AQP9: variants seen among roughly 807,000 people sequenced by gnomAD.
AQP9 encodes aquaporin 9.
A neutral mutation model predicts 23.8 loss-of-function variants in AQP9; 19 were observed. That is an observed-to-expected ratio of 0.80 (90% CI 0.56 to 1.17). The LOEUF (loss-of-function observed/expected upper bound fraction) is 1.17. Among genes scored for constraint, AQP9 ranks in the 50% most tolerant of loss-of-function variants. The probability of loss-of-function intolerance (pLI) is 0.00; values close to 1 mark genes in which losing one functional copy is unlikely to be tolerated. For synonymous variants in AQP9, 153 were observed against 131.5 expected (o/e 1.16, Z -1.12); for missense variants, 413 against 362.0 (o/e 1.14, Z -1.14).
At position 58,179,471 on chromosome 15, in the gene AQP9, C is replaced by A. The variant is rs1357678333; in HGVS notation, c.713+126C>A. On this transcript the variant is annotated intron_variant, in intron 5 of 5. Transcript: ENST00000219919. ...GCCAACGTTAACTGCACACTCTGGT[C>A]ATAAGCATGAGACATTTCACTGGTA... The A allele has an allele frequency of 1.3e-5, 10 of 760,382 alleles. No individual in the cohort carries two copies. The Admixed American group carries it at 2.0e-4, about 16-fold the overall frequency. 47.1% of individuals were successfully genotyped at this position (760,382 alleles called of 1,614,324 possible).
At chr15:58,173,928 A>G (rs1305744575) in intron 3 of AQP9, among the ~76,000 whole-genome samples, 2 of 152,172 alleles carry the variant, frequency 1.3e-5, no homozygotes, top group African/African-American at 4.8e-5. Flanking sequence ...TTAATACATT[A>G]TGACTTACCC....
chr15:58,150,915 T>A (rs1898136343), intron 1 of AQP9: 1 of 152,178 alleles, frequency 6.6e-6, no homozygotes, highest in South Asian at 2.1e-4. Flanking sequence ...ATCATTTTAA[T>A]CCTAGGCTTG....
chr15:58,145,505 AC>A (rs1164188395), intron 1 of AQP9, among the ~76,000 whole-genome samples: 1 of 151,204 alleles, frequency 6.6e-6, no homozygotes, highest in Non-Finnish European at 1.5e-5. Flanking sequence ...AAAAAAAATT[AC>A]CCATATATAT....
intron 1 of AQP9, chr15:58,152,316 T>A (rs1330919114): frequency 6.6e-6 from 1 of 152,192 alleles, no homozygotes; most frequent in Non-Finnish European, 1.5e-5. Flanking sequence ...CCATTATGCT[T>A]ATAAGACTTA....
intron 1 of AQP9, among the ~76,000 whole-genome samples, chr15:58,163,536 T>C (rs1898429899): frequency 6.6e-6 from 1 of 152,112 alleles, no homozygotes; most frequent in South Asian, 2.1e-4. Flanking sequence ...GTACTTATTG[T>C]AGAGTACAAA....
Position 58,173,125 on chromosome 15 carries a change from G to T in AQP9, c.296G>T (p.Trp99Leu), listed in dbSNP as rs200885186. 1.2e-5 allele frequency: 19 copies of T among 1,614,172 alleles called. No individual in the cohort carries two copies. The Admixed American group carries it at 2.7e-4, about 23-fold the overall frequency. The change falls in exon 3 of 6, where the codon TGG (tryptophan) becomes TTG (leucine). Residue 99 changes from tryptophan to leucine, a missense_variant. By Grantham distance (61) the Trp-to-Leu change is moderately conservative. Transcript: ENST00000219919. ...LAMCLFGRMKWFKLPFYVGAQ... is the reference protein window; with the variant it reads ...LAMCLFGRMKLFKLPFYVGAQ... ...ATGTGTCTCTTTGGACGGATGAAAT[G>T]GTTCAAATTGCCATTTTATGTGGGA...
chr15:58,185,164 TG>T lies in AQP9; in HGVS notation c.*1030del, dbSNP rs144041770. On this transcript the variant is annotated 3_prime_UTR_variant, in exon 6 of 6. Transcript: ENST00000219919. ...TCTAATTTAATCCTCATAATGACTA[TG>T]TGAGGCAAATGCCACATTGCCCATT... The T allele has an allele frequency of 0.024, 3,595 of 152,512 alleles. 82 individuals are homozygous for T. Among genetic ancestry groups the T allele is most frequent in the African/African-American group, 0.052 (2,163 of 41,576 alleles). The allele number at this position is 152,512 out of a possible 1,614,324, so 9.4% of individuals were successfully genotyped here. A position where few individuals can be genotyped will look rare whatever the true frequency, so the allele number is the denominator to read the frequency against.
intron 1 of AQP9, among the ~76,000 whole-genome samples, chr15:58,146,235 T>C (rs1898041541): frequency 1.3e-5 from 2 of 152,300 alleles, no homozygotes; most frequent in African/African-American, 4.8e-5. Context: ...ACTATATTGG[T>C]ATGCATGTTG....
intron 2 of AQP9, among the ~76,000 whole-genome samples, chr15:58,168,789 G>A (rs183936189): frequency 4.4e-4 from 67 of 152,146 alleles, no homozygotes; most frequent in Admixed American, 1.5e-3. Context: ...AAAACCAGGG[G>A]ACTGCCCTAA....
intron 2 of AQP9, 117 bp downstream of exon 2, chr15:58,166,916 T>C (rs1018107907): frequency 7.6e-7 from 1 of 1,323,006 alleles, no homozygotes; most frequent in Non-Finnish European, 1.0e-6. Flanking sequence ...TGCAAGAGTG[T>C]GTATTGGATC....
intron 1 of AQP9, chr15:58,150,869 C>T (rs1207659641): frequency 6.6e-6 from 1 of 152,168 alleles, no homozygotes; most frequent in Non-Finnish European, 1.5e-5. Context: ...AACAAACAAC[C>T]TGACACTAAT....
chr15:58,149,089 T>G (rs749256074), intron 1 of AQP9, among the ~76,000 whole-genome samples: 2 of 152,128 alleles, frequency 1.3e-5, no homozygotes, highest in Non-Finnish European at 2.9e-5. Context: ...ATTTTGCAAT[T>G]GGAAAACTAA....
At chr15:58,138,870 T>G in intron 1 of AQP9, 194 bp downstream of exon 1, 1 of 527,594 alleles carries the variant, frequency 1.9e-6, no homozygotes, top group Non-Finnish European at 3.4e-6. Context: ...AATTACCTAT[T>G]GCATTTACCC....
intron 5 of AQP9, 140 bp downstream of exon 5, chr15:58,179,485 A>C: frequency 1.5e-6 from 1 of 676,476 alleles, no homozygotes; most frequent in South Asian, 1.8e-5. Context: ...AGCATGAGAC[A>C]TTTCACTGGT....
At chr15:58,167,785 C>T (rs1242810233) in intron 2 of AQP9, among the ~76,000 whole-genome samples, 2 of 151,994 alleles carry the variant, frequency 1.3e-5, no homozygotes, top group East Asian at 1.9e-4. Context: ...CACAATGGCA[C>T]GATCTTGGCT....
intron 1 of AQP9, among the ~76,000 whole-genome samples, chr15:58,145,824 G>C (rs1898034495): frequency 1.3e-5 from 2 of 152,178 alleles, no homozygotes; most frequent in African/African-American, 4.8e-5. Context: ...GGAAGGGTGT[G>C]TGACAGATGA....
chr15:58,160,837 G>T (rs959506374), intron 1 of AQP9, among the ~76,000 whole-genome samples: 1 of 152,130 alleles, frequency 6.6e-6, no homozygotes. Context: ...AGAATAGATT[G>T]GGTTTAGTTG....
chr15:58,179,378 A>C, intron 5 of AQP9, 33 bp downstream of exon 5: 1 of 1,575,034 alleles, frequency 6.3e-7, no homozygotes, highest in Non-Finnish European at 8.6e-7. Flanking sequence ...AGAGAGACAG[A>C]GTCATGCTGC....
intron 1 of AQP9, chr15:58,146,572 A>G (rs1468893009): frequency 6.6e-6 from 1 of 152,200 alleles, no homozygotes; most frequent in Admixed American, 6.5e-5. Context: ...CGGGGGAGTG[A>G]ATCATTCTGC....
Sources: gnomAD v4.1 joint callset for allele counts (sites outside exome capture counted in the v4.1 genomes callset) on GRCh38, gnomAD v4.1.1 for gene constraint, MANE v1.5 for transcripts, NCBI Gene and HGNC (gene_info 2026-07-23, HGNC 2026-07-21) for gene names.